Variants in COL24A1 observed in about 807,000 individuals in gnomAD.
COL24A1 encodes the protein collagen alpha-1(XXIV) chain.
A neutral mutation model predicts 253.9 loss-of-function variants in COL24A1; 224 were observed. The ratio of observed to expected loss-of-function variants is 0.88; its 90% CI spans 0.79 to 0.99. The LOEUF is 0.99. Ranked by LOEUF, COL24A1 falls within the 50% of genes least tolerant of loss-of-function variation. The pLI is 0.00. For synonymous variants in COL24A1, 685 were observed against 673.7 expected (o/e 1.02, Z -0.26); for missense variants, 2,131 against 2,068.5 (o/e 1.03, Z -0.59).
chr1:85,776,169 A>T (rs1668523835), intron 52 of COL24A1, among the ~76,000 whole-genome samples: 1 of 151,974 alleles, frequency 6.6e-6, no homozygotes, highest in Admixed American at 6.6e-5. Flanking sequence ...ATATTTTCTA[A>T]TTTTCTTGGA....
intron 24 of COL24A1, among the ~76,000 whole-genome samples, chr1:85,927,048 G>T (rs910216697): frequency 2.0e-5 from 3 of 152,148 alleles, no homozygotes; most frequent in Non-Finnish European, 4.4e-5. Context: ...TTTGCCAAAG[G>T]GTTAAGAATG....
At chr1:86,057,657 A>G (rs1198670581) in intron 10 of COL24A1, among the ~76,000 whole-genome samples, 2 of 152,164 alleles carry the variant, frequency 1.3e-5, no homozygotes, top group South Asian at 2.1e-4. Flanking sequence ...CCATTCATAT[A>G]TAAATAACAC....
intron 19 of COL24A1, among the ~76,000 whole-genome samples, chr1:86,007,075 C>A (rs1696033504): frequency 6.6e-6 from 1 of 151,504 alleles, no homozygotes; most frequent in African/African-American, 2.4e-5. Context: ...AATAGCTGGG[C>A]ACAGTGGCAC....
At chr1:86,149,313 G>T (rs1302868029) in intron 1 of COL24A1, among the ~76,000 whole-genome samples, 20 of 152,334 alleles carry the variant, frequency 1.3e-4, no homozygotes, top group Non-Finnish European at 1.5e-5. Flanking sequence ...ATTCTAATGT[G>T]CAAACAAGGT....
At chr1:86,032,218 A>G (rs1290341984) in intron 13 of COL24A1, among the ~76,000 whole-genome samples, 1 of 152,216 alleles carries the variant, frequency 6.6e-6, no homozygotes, top group Non-Finnish European at 1.5e-5. Context: ...AGTAAATCCT[A>G]TCAATAATCA....
At chr1:86,043,155 AG>A (rs1699631775) in intron 12 of COL24A1, among the ~76,000 whole-genome samples, 1 of 152,204 alleles carries the variant, frequency 6.6e-6, no homozygotes, top group South Asian at 2.1e-4. Context: ...AAAACTTTAT[AG>A]ATTTCTCTAA....
At chr1:85,948,050 C>T (rs976315395) in intron 24 of COL24A1, among the ~76,000 whole-genome samples, 4 of 152,148 alleles carry the variant, frequency 2.6e-5, no homozygotes, top group Non-Finnish European at 5.9e-5. Flanking sequence ...ATCAATTACT[C>T]CATGAAGTCT....
At chr1:86,046,955 A>C (rs1388275152) in intron 11 of COL24A1, 86 bp from the exon 12 acceptor site, 16 of 811,420 alleles carry the variant, frequency 2.0e-5, no homozygotes, top group Non-Finnish European at 3.0e-5. Context: ...TAAAGCAATA[A>C]AGTATGAAAA....
intron 24 of COL24A1, among the ~76,000 whole-genome samples, chr1:85,913,549 C>A (rs1006173177): frequency 1.3e-5 from 2 of 152,122 alleles, no homozygotes; most frequent in African/African-American, 4.8e-5. Context: ...GGAGACACAA[C>A]GATGATTCCA....
chr1:85,926,219 T>C (rs564514594), intron 24 of COL24A1, among the ~76,000 whole-genome samples: 9 of 152,362 alleles, frequency 5.9e-5, no homozygotes, highest in East Asian at 3.9e-4. Flanking sequence ...GCTTTTACAC[T>C]GCTGGTGGGA....
At chr1:86,011,437 A>AT (rs1481355019) in intron 19 of COL24A1, among the ~76,000 whole-genome samples, 3 of 152,116 alleles carry the variant, frequency 2.0e-5, no homozygotes, top group Non-Finnish European at 4.4e-5. Context: ...AACTCAGATT[A>AT]TTTTTTCTGT....
chr1:85,970,429 A>C (rs1692040294), intron 21 of COL24A1, among the ~76,000 whole-genome samples, 158 bp from the exon 22 acceptor site: 1 of 152,174 alleles, frequency 6.6e-6, no homozygotes, highest in Non-Finnish European at 1.5e-5. Context: ...CCATCACCCC[A>C]CAACACTTTA....
chr1:85,941,559 GA>G (rs1688757867), intron 24 of COL24A1, among the ~76,000 whole-genome samples: 1 of 152,160 alleles, frequency 6.6e-6, no homozygotes, highest in South Asian at 2.1e-4. Context: ...TAAGAGATAT[GA>G]AAAGCATTCA....
intron 2 of COL24A1, among the ~76,000 whole-genome samples, chr1:86,127,327 A>G (rs1012061200): frequency 6.6e-6 from 1 of 152,094 alleles, no homozygotes; most frequent in Admixed American, 6.6e-5. Flanking sequence ...TCATCGTAAT[A>G]TTACCAATAG....
intron 22 of COL24A1, among the ~76,000 whole-genome samples, chr1:85,967,018 C>T (rs550725010): frequency 1.3e-5 from 2 of 152,202 alleles, no homozygotes; most frequent in South Asian, 4.1e-4. Flanking sequence ...GTAGGAGAGA[C>T]AGAGGGAATT....
intron 52 of COL24A1, among the ~76,000 whole-genome samples, chr1:85,776,053 T>A (rs1376331391): frequency 6.6e-6 from 1 of 152,166 alleles, no homozygotes; most frequent in Non-Finnish European, 1.5e-5. Flanking sequence ...GTTAAATTCT[T>A]CTAATAATTG....
chr1:86,131,328 A>T (rs1649142976), intron 2 of COL24A1, among the ~76,000 whole-genome samples: 1 of 151,882 alleles, frequency 6.6e-6, no homozygotes, highest in African/African-American at 2.4e-5. Flanking sequence ...AATGAATTGT[A>T]TCCTTGAATA....
intron 11 of COL24A1, among the ~76,000 whole-genome samples, chr1:86,048,479 T>C (rs1700071596): frequency 6.6e-6 from 1 of 151,876 alleles, no homozygotes; most frequent in Non-Finnish European, 1.5e-5. Context: ...TATTTATATG[T>C]TAAGACAGGT....
chr1:85,906,597 T>G (rs1247400106), intron 28 of COL24A1, among the ~76,000 whole-genome samples: 1 of 151,786 alleles, frequency 6.6e-6, no homozygotes, highest in Non-Finnish European at 1.5e-5. Context: ...GTTTTGAGTA[T>G]TGAGATAATA....
Sources: gnomAD v4.1 joint callset for allele counts (sites outside exome capture counted in the v4.1 genomes callset) on GRCh38, gnomAD v4.1.1 for gene constraint, MANE v1.5 for transcripts, NCBI Gene and HGNC (gene_info 2026-07-23, HGNC 2026-07-21) for gene names.